SUPT20H: variants seen among roughly 807,000 people sequenced by gnomAD.
SUPT20H encodes the protein transcription factor SPT20 homolog.
A neutral mutation model predicts 122.8 loss-of-function variants in SUPT20H; 82 were observed. The observed-to-expected ratio is 0.67, with a 90% confidence interval of 0.56 to 0.80. The LOEUF (loss-of-function observed/expected upper bound fraction) is 0.80. Ranked by LOEUF, SUPT20H falls within the 30% of genes least tolerant of loss-of-function variation. The pLI is 0.00. For synonymous variants in SUPT20H, 291 were observed against 313.0 expected, an observed-to-expected ratio of 0.93 and a Z score of 0.74; for missense variants, 831 against 921.6, an observed-to-expected ratio of 0.90 and a Z score of 1.27.
At chr13:37,058,594 G>A (rs564872752) in intron 1 of SUPT20H, among the ~76,000 whole-genome samples, 2 of 152,218 alleles carry the variant, frequency 1.3e-5, no homozygotes, top group Non-Finnish European at 2.9e-5. Flanking sequence ...CAAACATTCT[G>A]TCTATACACA....
chr13:37,031,453 TA>T, intron 12 of SUPT20H, 113 bp downstream of exon 12: 1 of 609,446 alleles, frequency 1.6e-6, no homozygotes, highest in Non-Finnish European at 2.7e-6. Context: ...GAGTATGATC[TA>T]AATCACTTTG....
chr13:37,020,454 C>A (rs1412596789), intron 21 of SUPT20H, among the ~76,000 whole-genome samples: 1 of 152,084 alleles, frequency 6.6e-6, no homozygotes, highest in Non-Finnish European at 1.5e-5. Flanking sequence ...TTAGAGCAAA[C>A]TGAACTGAGG....
chr13:37,018,196 T>G (rs2060866055), intron 22 of SUPT20H, among the ~76,000 whole-genome samples: 1 of 152,170 alleles, frequency 6.6e-6, no homozygotes, highest in Non-Finnish European at 1.5e-5. Context: ...TAGGTAAATC[T>G]AGACACAGCA....
chr13:37,047,626 A>G (rs763911214), intron 4 of SUPT20H, 25 bp from the exon 5 acceptor site: 2 of 1,357,416 alleles, frequency 1.5e-6, no homozygotes, highest in Admixed American at 6.0e-5. Flanking sequence ...TGAAACAAAT[A>G]TATAAAATGT....
intron 12 of SUPT20H, among the ~76,000 whole-genome samples, chr13:37,030,548 G>A (rs2063115731): frequency 6.6e-6 from 1 of 152,146 alleles, no homozygotes; most frequent in South Asian, 2.1e-4. Flanking sequence ...GAGCTAGACT[G>A]AGAAGCTTTG....
Position 37,033,483 on chromosome 13 carries a change from T to C in SUPT20H, c.673A>G (p.Asn225Asp). 5.0e-6 allele frequency: 8 copies of C among 1,613,062 alleles called. No homozygotes were observed. Among genetic ancestry groups the C allele is most frequent in the Admixed American group, 1.7e-5 (1 of 59,854 alleles). ...VTCTANRLLY[N>D]KQKMNTRPMK... ...GGGCGAGTGTTCATCTTTTGCTTGT[T>C]ATAGAGCAGTCTGTTTGCAGTGCAG... The change falls in exon 10 of 26, where the codon AAC becomes GAC. Residue 225 changes from asparagine (N) to aspartate (D), a missense_variant. Physicochemically the swap from Asn to Asp is conservative, Grantham distance 23 (BLOSUM62 1). Coordinates refer to ENST00000350612, the MANE Select transcript of SUPT20H (RefSeq NM_001014286.3).
chr13:37,028,343 A>G, intron 13 of SUPT20H, 38 bp from the exon 14 acceptor site: 1 of 1,569,654 alleles, frequency 6.4e-7, no homozygotes, highest in Non-Finnish European at 8.7e-7. Flanking sequence ...ATACCTTCAC[A>G]AGTAGGCAGG....
chr13:37,024,929 G>A (rs2061977105), intron 17 of SUPT20H: 1 of 186,834 alleles, frequency 5.4e-6, no homozygotes, highest in Non-Finnish European at 1.1e-5. Context: ...CTGTACCCCC[G>A]CTCCTCAAAA....
chr13:37,022,352 T>C lies in SUPT20H; in HGVS notation c.1592-272A>G. The C allele has an allele frequency of 1.5e-6, 2 of 1,357,734 alleles. No individual in the cohort carries two copies. Among genetic ancestry groups the C allele is most frequent in the Non-Finnish European group, 1.9e-6 (2 of 1,055,192 alleles). 84.1% of individuals were successfully genotyped at this position (1,357,734 alleles called of 1,614,324 possible). On this transcript the variant is annotated intron_variant, in intron 19 of 25. Coordinates refer to ENST00000350612, the MANE Select transcript of SUPT20H (RefSeq NM_001014286.3). The surrounding 1 kb of genome is among the most constrained non-coding windows in gnomAD (Gnocchi z 4.5). The stretch of plus-strand genomic sequence containing the variant: ...GAGAAAAATAAAAATTGCTAGTTTG[T>C]TATAAATGGCCAGTCCTTTTAAAAT...
chr13:37,047,583 T>C lies in SUPT20H; in HGVS notation c.117A>G (p.Lys39=). The change falls in exon 5 of 26, where the codon AAA becomes AAG. Residue 39 remains lysine, a synonymous_variant. Coordinates refer to ENST00000350612, the MANE Select transcript of SUPT20H (RefSeq NM_001014286.3). ...LSSGRKSVFQ[K]LYDLYIEECE... Reference sequence around the variant, plus strand: ...ATTCTTCAATATACAAGTCATAAAGTTTTTGAAATACAGATTTTCTAAAAA... The same window carrying C: ...ATTCTTCAATATACAAGTCATAAAGCTTTTGAAATACAGATTTTCTAAAAA... 1 of 1,417,894 alleles carries C rather than the reference T, an allele frequency of 7.1e-7. No individual in the cohort carries two copies. Among genetic ancestry groups the C allele is most frequent in the Non-Finnish European group, 9.4e-7 (1 of 1,061,784 alleles). 87.8% of individuals were successfully genotyped at this position (1,417,894 alleles called of 1,614,324 possible).
At chr13:37,040,803 C>T in intron 7 of SUPT20H, 111 bp from the exon 8 acceptor site, 1 of 743,734 alleles carries the variant, frequency 1.3e-6, no homozygotes, top group Admixed American at 2.2e-5. Flanking sequence ...TCTGGCCACT[C>T]ATGTATGTAC....
At chr13:37,052,026 TAA>T (rs1330784706) in intron 1 of SUPT20H, among the ~76,000 whole-genome samples, 1 of 151,982 alleles carries the variant, frequency 6.6e-6, no homozygotes, top group Non-Finnish European at 1.5e-5. Flanking sequence ...CTCTTATTAA[TAA>T]GAGAGGACAC....
At chr13:37,020,790 T>A (rs2061361853) in intron 21 of SUPT20H, among the ~76,000 whole-genome samples, 1 of 152,186 alleles carries the variant, frequency 6.6e-6, no homozygotes, top group South Asian at 2.1e-4. Flanking sequence ...TTCAAGATAT[T>A]ATAATACATT....
chr13:37,043,798 G>T (rs2065927032), intron 7 of SUPT20H, among the ~76,000 whole-genome samples: 1 of 149,614 alleles, frequency 6.7e-6, no homozygotes, highest in African/African-American at 2.5e-5. Flanking sequence ...TGAGCCCAGG[G>T]GTTTGAGACT....
chr13:37,058,618 C>T (rs1390012256), intron 1 of SUPT20H, among the ~76,000 whole-genome samples: 1 of 152,150 alleles, frequency 6.6e-6, no homozygotes, highest in African/African-American at 2.4e-5. Context: ...TTTACTAGAA[C>T]CTGTGAGGAA....
At position 37,009,739 on chromosome 13, in the gene SUPT20H, T is replaced by TGA; in HGVS notation, c.2271_2272dup (p.His758LeufsTer13). Reference sequence around the variant, plus strand: ...TTTTGACTGGCTGCCTGTATGCCGATGATGATGTAGCTGAGCTGTTTGTGC... The same window carrying TGA: ...TTTTGACTGGCTGCCTGTATGCCGATGAGATGATGTAGCTGAGCTGTTTGTGC... On this transcript the variant is annotated frameshift_variant, in exon 26 of 26. Transcript: ENST00000350612. LOFTEE classifies it high-confidence loss of function. 1 of 1,614,048 alleles carries TGA rather than the reference T, an allele frequency of 6.2e-7. No homozygotes were observed. Among genetic ancestry groups the TGA allele is most frequent in the Non-Finnish European group, 8.5e-7 (1 of 1,179,978 alleles).
chr13:37,022,418 A>AT lies in SUPT20H; in HGVS notation c.1592-339_1592-338insA. On this transcript the variant is annotated intron_variant, in intron 19 of 25. Coordinates refer to ENST00000350612, the MANE Select transcript of SUPT20H (RefSeq NM_001014286.3). This position sits in a 1 kb window ranked among gnomAD's most constrained non-coding sequence, Gnocchi z 4.5. Reference sequence around the variant, plus strand: ...TTACTTAGCACTGACAATTTGTTCTAGTTTTTTTTTTTTTAGCAGTTAACT... The same window carrying AT: ...TTACTTAGCACTGACAATTTGTTCTATGTTTTTTTTTTTTTAGCAGTTAACT... 5 of 1,261,998 alleles carry AT rather than the reference A, an allele frequency of 4.0e-6. No homozygotes were observed. Among genetic ancestry groups the AT allele is most frequent in the South Asian group, 6.0e-5 (2 of 33,086 alleles). 78.2% of individuals were successfully genotyped at this position (1,261,998 alleles called of 1,614,324 possible). A position where few individuals can be genotyped will look rare whatever the true frequency, so the allele number is the denominator to read the frequency against.
intron 6 of SUPT20H, among the ~76,000 whole-genome samples, chr13:37,044,647 C>T (rs141300144): frequency 1.3e-5 from 2 of 152,126 alleles, no homozygotes; most frequent in African/African-American, 2.4e-5. Flanking sequence ...GTAGAATTCA[C>T]ATTATCATCA....
At chr13:37,048,086 A>G (rs557295406) in intron 3 of SUPT20H, 150 bp from the exon 4 acceptor site, 99 of 482,372 alleles carry the variant, frequency 2.1e-4, no homozygotes, top group Non-Finnish European at 2.5e-5. Context: ...CTTAACATCT[A>G]AAGATAAGTT....
Sources: allele counts gnomAD v4.1 joint callset (sites outside exome capture counted in the v4.1 genomes callset), GRCh38; gene constraint gnomAD v4.1.1; non-coding constraint Gnocchi (gnomAD v3.1); transcripts MANE v1.5; gene names NCBI Gene and HGNC (gene_info 2026-07-23, HGNC 2026-07-21).